The following CADM2 variants were observed in gnomAD, a reference collection of about 807,000 sequenced individuals.
CADM2 encodes the protein cell adhesion molecule 2.
CADM2 carries 12 observed loss-of-function variants against 49.8 expected under a neutral mutation model. The observed-to-expected ratio is 0.24, with a 90% CI of 0.15 to 0.39. The LOEUF (loss-of-function observed/expected upper bound fraction) is 0.39, where lower values mean the gene tolerates loss of function less well. Among genes scored for constraint, CADM2 ranks in the 10% least tolerant of loss-of-function variants. CADM2 has a pLI of 1.00. For synonymous variants in CADM2, 214 were observed against 175.4 expected (o/e 1.22, Z -1.74); for missense variants, 378 against 492.3 (o/e 0.77, Z 2.20).
At chr3:85,489,696 CAA>C (rs34418561) in intron 1 of CADM2, among the ~76,000 whole-genome samples, 1 of 134,844 alleles carries the variant, frequency 7.4e-6, no homozygotes, top group Non-Finnish European at 1.6e-5. Context: ...AAAAAAAAAA[CAA>C]AAAAAAGAAC....
intron 1 of CADM2, among the ~76,000 whole-genome samples, chr3:85,419,775 A>C (rs564529423): frequency 1.1e-3 from 164 of 152,322 alleles, no homozygotes; most frequent in African/African-American, 3.7e-3. Context: ...AACTACTAAT[A>C]ATAAACCTGC....
chr3:85,879,767 A>G (rs1712465800), intron 3 of CADM2, among the ~76,000 whole-genome samples: 1 of 152,220 alleles, frequency 6.6e-6, no homozygotes, highest in South Asian at 2.1e-4. Context: ...AAACAACATC[A>G]CAACGAGGAA....
At chr3:85,451,472 T>C (rs919766120) in intron 1 of CADM2, among the ~76,000 whole-genome samples, 5 of 152,226 alleles carry the variant, frequency 3.3e-5, no homozygotes, top group African/African-American at 1.2e-4. Flanking sequence ...GAAGTAATAG[T>C]ACTGCAGATG....
At chr3:85,485,642 C>G (rs997879725) in intron 1 of CADM2, among the ~76,000 whole-genome samples, 1 of 152,034 alleles carries the variant, frequency 6.6e-6, no homozygotes, top group African/African-American at 2.4e-5. Context: ...TGCTTAAAAT[C>G]TACACTCTTG....
intron 1 of CADM2, among the ~76,000 whole-genome samples, chr3:85,631,396 C>T (rs182563887): frequency 6.6e-6 from 1 of 152,142 alleles, no homozygotes; most frequent in East Asian, 1.9e-4. Context: ...TCTATTGATA[C>T]TCTTATTCCA....
At chr3:85,248,663 T>C (rs992549108) in intron 1 of CADM2, among the ~76,000 whole-genome samples, 4 of 152,228 alleles carry the variant, frequency 2.6e-5, no homozygotes, top group African/African-American at 7.2e-5. Context: ...CTGTGATAGG[T>C]TGTGGTTTGT....
intron 1 of CADM2, among the ~76,000 whole-genome samples, chr3:85,252,580 C>A (rs1020644672): frequency 5.0e-4 from 76 of 151,902 alleles, no homozygotes; most frequent in Admixed American, 4.8e-3. Flanking sequence ...TCAGATTACT[C>A]TTAATATTTT....
intron 1 of CADM2, among the ~76,000 whole-genome samples, chr3:85,453,040 A>G (rs942357249): frequency 6.6e-6 from 1 of 152,170 alleles, no homozygotes; most frequent in Admixed American, 6.5e-5. Flanking sequence ...AAAGTGTACT[A>G]CTAGTAGTTC....
intron 5 of CADM2, among the ~76,000 whole-genome samples, chr3:85,906,428 A>T (rs948020063): frequency 2.6e-5 from 4 of 152,106 alleles, no homozygotes; most frequent in African/African-American, 9.7e-5. Flanking sequence ...TTCCATAAAC[A>T]TTATTTTTCT....
At position 84,963,764 on chromosome 3, in the gene CADM2, T is replaced by A. The variant is rs577968287; in HGVS notation, c.61+4096T>A. Among the ~76,000 whole-genome samples the A allele has an allele frequency of 5.3e-5, 8 of 152,344 alleles. No homozygotes were observed. In the South Asian group the frequency reaches 1.5e-3, roughly 28 times the overall value. ...AAAGCACATTATAATACATCTTATA[T>A]ACACTTAATGAAATACTTACGCTTC... On this transcript the variant is annotated intron_variant, in intron 1 of 9. Coordinates refer to ENST00000383699, the MANE Select transcript of CADM2 (RefSeq NM_001167675.2).
At chr3:85,802,928 A>G (rs138928253) in intron 3 of CADM2, among the ~76,000 whole-genome samples, 179 of 152,152 alleles carry the variant, frequency 1.2e-3, no homozygotes, top group Non-Finnish European at 1.9e-3. Flanking sequence ...AGATACATGT[A>G]TATTATATAG....
At chr3:85,665,308 C>T (rs1452039363) in intron 1 of CADM2, among the ~76,000 whole-genome samples, 1 of 151,852 alleles carries the variant, frequency 6.6e-6, no homozygotes, top group South Asian at 2.1e-4. Context: ...ATTAATACAT[C>T]TCCAACTTTA....
chr3:86,019,930 A>T (rs1444175597), intron 8 of CADM2, among the ~76,000 whole-genome samples: 1 of 152,186 alleles, frequency 6.6e-6, no homozygotes, highest in East Asian at 1.9e-4. Flanking sequence ...AATTAAAAGA[A>T]CTAGAAAAGC....
chr3:85,745,769 G>A (rs1043483073), intron 2 of CADM2, among the ~76,000 whole-genome samples: 4 of 152,128 alleles, frequency 2.6e-5, no homozygotes, highest in Admixed American at 1.3e-4. Context: ...GGAGGCTGAG[G>A]TGGCAGGATG....
At chr3:85,423,940 AGTACC>A (rs371473694) in intron 1 of CADM2, among the ~76,000 whole-genome samples, 122 of 152,320 alleles carry the variant, frequency 8.0e-4, no homozygotes, top group African/African-American at 2.9e-3. Flanking sequence ...ATAAATCTAT[AGTACC>A]TTCTTGAATC....
At chr3:85,922,958 A>G (rs777935587) in intron 6 of CADM2, among the ~76,000 whole-genome samples, 2 of 151,520 alleles carry the variant, frequency 1.3e-5, no homozygotes, top group Non-Finnish European at 2.9e-5. Flanking sequence ...AGTAGCTGGG[A>G]CTATAGGCGC....
chr3:85,493,521 T>C (rs1284931088), intron 1 of CADM2, among the ~76,000 whole-genome samples: 1 of 152,206 alleles, frequency 6.6e-6, no homozygotes, highest in East Asian at 1.9e-4. Flanking sequence ...GTAGAACTTC[T>C]TCCAGTGAAA....
At chr3:85,573,983 T>TA (rs2062556839) in intron 1 of CADM2, among the ~76,000 whole-genome samples, 1 of 152,192 alleles carries the variant, frequency 6.6e-6, no homozygotes, top group African/African-American at 2.4e-5. Context: ...CTGTCCACGA[T>TA]ACTGACTGGT....
rs1158214391 is a variant in CADM2, at chr3:85,040,623, C to T, written c.61+80955C>T. On this transcript the variant is annotated intron_variant, in intron 1 of 9. Transcript: ENST00000383699. Reference sequence around the variant, plus strand: ...CTGTTTTACTCTGGTGTTTATAAAACAGCAGATTACCCATGGTTGGAATAG... The same window carrying T: ...CTGTTTTACTCTGGTGTTTATAAAATAGCAGATTACCCATGGTTGGAATAG... Among the ~76,000 whole-genome samples, 3 of 151,902 alleles carry T rather than the reference C, an allele frequency of 2.0e-5. No homozygotes were observed. The East Asian group carries it at 5.8e-4, about 29-fold the overall frequency.
Sources: gnomAD v4.1 joint callset for allele counts (sites outside exome capture counted in the v4.1 genomes callset) on GRCh38, gnomAD v4.1.1 for gene constraint, MANE v1.5 for transcripts, NCBI Gene and HGNC (gene_info 2026-07-23, HGNC 2026-07-21) for gene names.